Variants in GNAS-AS1 observed in about 807,000 individuals in gnomAD.
GNAS-AS1 encodes GNAS antisense RNA 1 (non-protein coding).
chr20:58,821,436 A>G (rs892644660), intron 4 of GNAS-AS1, among the ~76,000 whole-genome samples: 1 of 152,212 alleles, frequency 6.6e-6, no homozygotes, highest in African/African-American at 2.4e-5. Context: ...TCCGGACTCC[A>G]CGATTTTCCT....
Position 58,830,215 on chromosome 20 carries a change from CACCACACCACCATCACCACA to C in GNAS-AS1, n.820-10980_820-10961del, listed in dbSNP as rs1291791056. Among the ~76,000 whole-genome samples, 212 of 150,172 alleles carry C rather than the reference CACCACACCACCATCACCACA, an allele frequency of 1.4e-3. 1 individual carries two copies. The highest frequency in any genetic ancestry group is 5.0e-3 in the African/African-American group (203 of 40,694). On this transcript the variant is annotated intron_variant and non_coding_transcript_variant, in intron 4 of 4. Coordinates refer to ENST00000424094, the Ensembl canonical transcript of GNAS-AS1. Reference sequence around the variant, plus strand: ...ACCACATCACCATCATCACCACCACCACCACACCACCATCACCACAATCACCACCACCACCATCAACGCCA... The same window carrying C: ...ACCACATCACCATCATCACCACCACCATCACCACCACCACCATCAACGCCA...
chr20:58,830,440 T>C (rs1256675773), intron 4 of GNAS-AS1, among the ~76,000 whole-genome samples: 21 of 22,234 alleles, frequency 9.4e-4, no homozygotes, highest in East Asian at 1.5e-3. Flanking sequence ...ACCACCATCA[T>C]TACCACCACC....
chr20:58,847,705 CA>C (rs1331010191), intron 2 of GNAS-AS1, among the ~76,000 whole-genome samples: 4 of 152,106 alleles, frequency 2.6e-5, no homozygotes, highest in Admixed American at 6.5e-5. Flanking sequence ...AAATGACTAC[CA>C]AAAAAATACT....
At chr20:58,844,855 G>T (rs117588164) in intron 2 of GNAS-AS1, among the ~76,000 whole-genome samples, 107 of 151,880 alleles carry the variant, frequency 7.0e-4, no homozygotes, top group Middle Eastern at 3.4e-3. Context: ...AACAAAAAAA[G>T]CACCAGCTAG....
intron 4 of GNAS-AS1, among the ~76,000 whole-genome samples, chr20:58,832,415 T>G (rs998942607): frequency 6.6e-6 from 1 of 152,200 alleles, no homozygotes; most frequent in Non-Finnish European, 1.5e-5. Flanking sequence ...GCCATTCCAG[T>G]CAAAATATCA....
chr20:58,823,843 A>G (rs1012602971), intron 4 of GNAS-AS1, among the ~76,000 whole-genome samples: 2 of 152,160 alleles, frequency 1.3e-5, no homozygotes, highest in Admixed American at 1.3e-4. Context: ...GCTCACAGGA[A>G]CAAGGGTCTG....
chr20:58,839,730 C>T (rs918250739), intron 4 of GNAS-AS1: 19 of 499,030 alleles, frequency 3.8e-5, no homozygotes, highest in African/African-American at 3.5e-4. Flanking sequence ...AACCTCACTG[C>T]CCGTCCCTCC....
intron 4 of GNAS-AS1, among the ~76,000 whole-genome samples, chr20:58,819,723 G>A (rs2085472619): frequency 1.3e-5 from 2 of 152,138 alleles, no homozygotes; most frequent in African/African-American, 4.8e-5. Flanking sequence ...GATCCTGTAG[G>A]GCCGGGGCAA....
intron 2 of GNAS-AS1, among the ~76,000 whole-genome samples, chr20:58,844,668 T>G (rs1381891382): frequency 7.5e-6 from 1 of 132,814 alleles, no homozygotes; most frequent in Non-Finnish European, 1.6e-5. Flanking sequence ...GTTGTCCAAT[T>G]TGACTCTACA....
intron 4 of GNAS-AS1, among the ~76,000 whole-genome samples, chr20:58,823,214 C>T (rs971704858): frequency 1.1e-4 from 16 of 152,190 alleles, no homozygotes; most frequent in Admixed American, 2.0e-4. Context: ...CCAGCCTTGG[C>T]GTATAGAACC....
At chr20:58,842,971 C>T (rs1240168606) in intron 2 of GNAS-AS1, among the ~76,000 whole-genome samples, 3 of 152,130 alleles carry the variant, frequency 2.0e-5, no homozygotes, top group African/African-American at 4.8e-5. Context: ...GTGTCGAGCC[C>T]ACACCTCACA....
At chr20:58,833,991 A>C (rs763330365) in intron 4 of GNAS-AS1, 2 of 152,144 alleles carry the variant, frequency 1.3e-5, no homozygotes, top group Non-Finnish European at 2.9e-5. Flanking sequence ...CAGTGACTAG[A>C]CATGTAAAAT....
chr20:58,839,979 C>A, intron 4 of GNAS-AS1: 1 of 986,892 alleles, frequency 1.0e-6, no homozygotes, highest in Non-Finnish European at 1.5e-6. Context: ...GGAGGTGAGG[C>A]TGGGACCTCC....
intron 4 of GNAS-AS1, among the ~76,000 whole-genome samples, chr20:58,821,013 CTT>C (rs1241894213): frequency 6.6e-6 from 1 of 152,238 alleles, no homozygotes; most frequent in Non-Finnish European, 1.5e-5. Flanking sequence ...CCGCTCTCTT[CTT>C]GCCACAAGAA....
At chr20:58,820,914 G>C (rs909003940) in intron 4 of GNAS-AS1, among the ~76,000 whole-genome samples, 5 of 152,166 alleles carry the variant, frequency 3.3e-5, no homozygotes, top group Admixed American at 1.3e-4. Flanking sequence ...ATGAGATCTG[G>C]GTGGGGACAC....
intron 4 of GNAS-AS1, among the ~76,000 whole-genome samples, chr20:58,824,507 C>T (rs2085507227): frequency 6.6e-6 from 1 of 152,196 alleles, no homozygotes; most frequent in Non-Finnish European, 1.5e-5. Context: ...AGGCCCACCC[C>T]CAAATGCCCT....
At chr20:58,847,646 G>A (rs570131016) in intron 2 of GNAS-AS1, among the ~76,000 whole-genome samples, 1 of 152,154 alleles carries the variant, frequency 6.6e-6, no homozygotes, top group Non-Finnish European at 1.5e-5. Context: ...AGGCACTTCT[G>A]CAAACTTCAC....
chr20:58,840,443 A>AGC lies in GNAS-AS1; in HGVS notation n.819+1492_819+1493dup. The AGC allele has an allele frequency of 6.2e-7, 1 of 1,613,270 alleles. No homozygotes were observed. The highest frequency in any genetic ancestry group is 8.5e-7 in the Non-Finnish European group (1 of 1,179,708). ...GGAAGAGTTCGACTACGAGACCGAG[A>AGC]GCGAGACCGAGTCCGAAATCGAGTC... On this transcript the variant is annotated intron_variant and non_coding_transcript_variant, in intron 4 of 4. Transcript: ENST00000424094. This position sits in a 1 kb window ranked among gnomAD's most constrained non-coding sequence, Gnocchi z 6.0.
At chr20:58,839,975 G>T (rs1018431016) in intron 4 of GNAS-AS1, 2 of 933,168 alleles carry the variant, frequency 2.1e-6, no homozygotes, top group Non-Finnish European at 3.3e-6. Context: ...ACAAGGAGGT[G>T]AGGCTGGGAC....
Sources: gnomAD v4.1 joint callset for allele counts (sites outside exome capture counted in the v4.1 genomes callset) on GRCh38, gnomAD v4.1.1 for gene constraint, Gnocchi (gnomAD v3.1) non-coding constraint, MANE v1.5 for transcripts, NCBI Gene and HGNC (gene_info 2026-07-23, HGNC 2026-07-21) for gene names.